Variants in HFE observed in about 807,000 individuals in gnomAD.
HFE encodes hereditary hemochromatosis protein.
Under a neutral mutation model 40.9 loss-of-function variants are expected in HFE, and 36 were observed. The ratio of observed to expected loss-of-function variants is 0.88; its 90% CI spans 0.67 to 1.16. The LOEUF (loss-of-function observed/expected upper bound fraction) is 1.16, where lower values mean the gene tolerates loss of function less well. HFE is among the 50% of genes most tolerant of loss of function. The probability of loss-of-function intolerance (pLI) is 0.00; values close to 1 mark genes in which losing one functional copy is unlikely to be tolerated. For synonymous variants in HFE, 157 were observed against 165.4 expected (o/e 0.95, Z 0.39); for missense variants, 376 against 432.0 (o/e 0.87, Z 1.15).
intron 1 of HFE, 102 bp downstream of exon 1, chr6:26,087,618 T>A (rs1462325310): frequency 3.0e-6 from 3 of 994,796 alleles, no homozygotes; most frequent in Non-Finnish European, 4.6e-6. Context: ...TTGGAGGACC[T>A]GCTCAACCCT....
At chr6:26,093,052 C>A in intron 4 of HFE, 67 bp from the exon 5 acceptor site, 2 of 1,613,848 alleles carry the variant, frequency 1.2e-6, no homozygotes, top group Non-Finnish European at 1.7e-6. Context: ...AGATGAGGAT[C>A]TGCTCTTTGT....
chr6:26,097,576 G>GTA lies in HFE; in HGVS notation c.*3350_*3351insTA, dbSNP rs1763089120. On this transcript the variant is annotated 3_prime_UTR_variant, in exon 6 of 6. Coordinates refer to ENST00000357618, the MANE Select transcript of HFE (RefSeq NM_000410.4). ...AAGAATGGGTGGAGGGGCGTGCACT[G>GTA]GAAATCACTTGTAGAGAAAAGCCCC... is the stretch of plus-strand genomic sequence containing the variant. 2 of 152,106 alleles carry GTA rather than the reference G, an allele frequency of 1.3e-5. No individual in the cohort carries two copies. Among genetic ancestry groups the GTA allele is most frequent in the Non-Finnish European group, 2.9e-5 (2 of 68,034 alleles). 9.4% of individuals were successfully genotyped at this position (152,106 alleles called of 1,614,324 possible). A position where few individuals can be genotyped will look rare whatever the true frequency, so the allele number is the denominator to read the frequency against.
intron 2 of HFE, 27 bp downstream of exon 2, chr6:26,091,131 C>G (rs1194133240): frequency 2.5e-6 from 4 of 1,613,554 alleles, no homozygotes; most frequent in Non-Finnish European, 3.4e-6. Context: ...CCTCACCTTC[C>G]TGAGGTTGTC....
At chr6:26,087,829 G>A (rs1762391870) in intron 1 of HFE, among the ~76,000 whole-genome samples, 1 of 152,216 alleles carries the variant, frequency 6.6e-6, no homozygotes, top group Admixed American at 6.5e-5. Context: ...CCTCACTTGA[G>A]CTGAGCTAAG....
At position 26,097,776 on chromosome 6, in the gene HFE, A is replaced by C. The variant is rs1488569347; in HGVS notation, c.*3550A>C. 6.6e-6 allele frequency: 1 copy of C among 152,214 alleles called. No individual in the cohort carries two copies. The highest frequency in any genetic ancestry group is 2.4e-5 in the African/African-American group (1 of 41,442). The allele number at this position is 152,214 out of a possible 1,614,324, so 9.4% of individuals were successfully genotyped here. On this transcript the variant is annotated 3_prime_UTR_variant, in exon 6 of 6. Transcript: ENST00000357618. Reference sequence around the variant, plus strand: ...GAGGACTGCTGAGAGGTACAGGCCAAAATTCTTATGTTGTATTATAATAAT... The same window carrying C: ...GAGGACTGCTGAGAGGTACAGGCCACAATTCTTATGTTGTATTATAATAAT...
intron 5 of HFE, 83 bp from the exon 6 acceptor site, chr6:26,094,103 A>C: frequency 7.7e-7 from 1 of 1,305,656 alleles, no homozygotes; most frequent in South Asian, 1.2e-5. Flanking sequence ...GAGATGGGTG[A>C]ATGAGGAAAA....
rs1015477413 is a variant in HFE at position 26,097,914 on chromosome 6, A to C, written c.*3688A>C. ...CAAATTTTTCATAAACTCAGTTTTA[A>C]ACTAACTTTTTTTCAAACCACAATC... On this transcript the variant is annotated 3_prime_UTR_variant, in exon 6 of 6. Transcript: ENST00000357618. The C allele has an allele frequency of 3.9e-5, 6 of 152,236 alleles. No homozygotes were observed. Among genetic ancestry groups the C allele is most frequent in the South Asian group, 2.1e-4 (1 of 4,834 alleles). 9.4% of individuals were successfully genotyped at this position (152,236 alleles called of 1,614,324 possible). A position where few individuals can be genotyped will look rare whatever the true frequency, so the allele number is the denominator to read the frequency against.
At position 26,090,900 on chromosome 6, in the gene HFE, T is replaced by C. The variant is rs1205608152; in HGVS notation, c.136T>C (p.Leu46=). The C allele has an allele frequency of 1.2e-6, 2 of 1,614,202 alleles. No homozygotes were observed. Among genetic ancestry groups the C allele is most frequent in the Non-Finnish European group, 8.5e-7 (1 of 1,180,032 alleles). ...GASEQDLGLS[L]FEALGYVDDQ... Reference sequence around the variant, plus strand: ...CTCAGAGCAGGACCTTGGTCTTTCCTTGTTTGAAGCTTTGGGCTACGTGGA... The same window carrying C: ...CTCAGAGCAGGACCTTGGTCTTTCCCTGTTTGAAGCTTTGGGCTACGTGGA... The change falls in exon 2 of 6, where the codon TTG becomes CTG. Residue 46 remains leucine (L), a synonymous_variant. Coordinates refer to ENST00000357618, the MANE Select transcript of HFE (RefSeq NM_000410.4).
chr6:26,089,361 G>A (rs572573899), intron 1 of HFE, among the ~76,000 whole-genome samples: 19 of 152,286 alleles, frequency 1.2e-4, no homozygotes, highest in Admixed American at 2.6e-4. Context: ...CAGAAGAGGA[G>A]CCACAAACAA....
chr6:26,090,771 G>A, intron 1 of HFE, 70 bp from the exon 2 acceptor site: 2 of 1,485,154 alleles, frequency 1.3e-6, no homozygotes, highest in East Asian at 2.3e-5. Context: ...AGTTGATGCA[G>A]GTGTGTGGAG....
rs746577630 is a variant in HFE, at chr6:26,094,255, G to A, written c.*29G>A. ...GCAGCCTGCAGACTCACTGTGGGAA[G>A]GAGACAAAACTAGAGACTCAAAGAG... On this transcript the variant is annotated 3_prime_UTR_variant, in exon 6 of 6. Coordinates refer to ENST00000357618, the MANE Select transcript of HFE (RefSeq NM_000410.4). The A allele has an allele frequency of 1.9e-6, 3 of 1,610,868 alleles. No homozygotes were observed. In the South Asian group the frequency reaches 3.3e-5, roughly 18 times the overall value.
At position 26,097,233 on chromosome 6, in the gene HFE, T is replaced by C. The variant is rs1763075513; in HGVS notation, c.*3007T>C. 6.6e-6 allele frequency: 1 copy of C among 152,370 alleles called. No individual in the cohort carries two copies. Among genetic ancestry groups the C allele is most frequent in the South Asian group, 2.1e-4 (1 of 4,830 alleles). 9.4% of individuals were successfully genotyped at this position (152,370 alleles called of 1,614,324 possible). ...TCAAGAAACACCCCAGTCTTCACAG[T>C]AACACATTTCACTAACACATTTACT... On this transcript the variant is annotated 3_prime_UTR_variant, in exon 6 of 6. Coordinates refer to ENST00000357618, the MANE Select transcript of HFE (RefSeq NM_000410.4).
rs1456866994 is a variant in HFE, at chr6:26,095,029, T to C, written c.*803T>C. On this transcript the variant is annotated 3_prime_UTR_variant, in exon 6 of 6. Coordinates refer to ENST00000357618, the MANE Select transcript of HFE (RefSeq NM_000410.4). ...GACCTGAAGAATCACAATAATTTTC[T>C]ACCTGGTCTCTCCTTGTTCTGATAA... is the stretch of plus-strand genomic sequence containing the variant. 6.4e-6 allele frequency: 1 copy of C among 155,666 alleles called. No individual in the cohort carries two copies. The highest frequency in any genetic ancestry group is 2.4e-5 in the African/African-American group (1 of 41,480). The allele number at this position is 155,666 out of a possible 1,614,324, so 9.6% of individuals were successfully genotyped here.
rs2242956 is a variant in HFE, at chr6:26,090,868, T to C, written c.104T>C (p.Met35Thr). The change falls in exon 2 of 6, where the codon ATG (methionine) becomes ACG (threonine). Residue 35 changes from methionine (M) to threonine (T), a missense_variant. Met to Thr is a moderately conservative substitution (Grantham distance 81). Around this residue, in one of 3 missense-constraint regions of HFE, gnomAD observed 200 missense variants for 228.5 expected, o/e 0.88. Coordinates refer to ENST00000357618, the MANE Select transcript of HFE (RefSeq NM_000410.4). ...LRSHSLHYLF[M>T]GASEQDLGLS... ...TCACACTCTCTGCACTACCTCTTCA[T>C]GGGTGCCTCAGAGCAGGACCTTGGT... The C allele has an allele frequency of 1.9e-6, 3 of 1,614,096 alleles. No homozygotes were observed. Among genetic ancestry groups the C allele is most frequent in the Non-Finnish European group, 2.5e-6 (3 of 1,180,008 alleles).
In HFE at chr6:26,094,254, A is replaced by C; in HGVS notation, c.*28A>C. On this transcript the variant is annotated 3_prime_UTR_variant, in exon 6 of 6. Coordinates refer to ENST00000357618, the MANE Select transcript of HFE (RefSeq NM_000410.4). ...CGCAGCCTGCAGACTCACTGTGGGA[A>C]GGAGACAAAACTAGAGACTCAAAGA... 6.2e-7 allele frequency: 1 copy of C among 1,610,968 alleles called. No homozygotes were observed. The highest frequency in any genetic ancestry group is 1.3e-5 in the African/African-American group (1 of 75,008).
Position 26,092,297 on chromosome 6 carries a change from C to CTTTTATA in HFE, c.617-388_617-387insTTTTATA, listed in dbSNP as rs530318657. The stretch of plus-strand genomic sequence containing the variant: ...AATCCTTTAGGTTAAAAGTTTCTTT[C>CTTTTATA]ATAGAACATAGCAATAATCACTGAA... On this transcript the variant is annotated intron_variant, in intron 3 of 5. Transcript: ENST00000357618. Among the ~76,000 whole-genome samples the CTTTTATA allele has an allele frequency of 1.7e-3, 263 of 151,896 alleles. 1 individual carries two copies. The Middle Eastern group carries it at 0.028, about 16-fold the overall frequency.
At position 26,091,475 on chromosome 6, in the gene HFE, G is replaced by A. The variant is rs146519482; in HGVS notation, c.502G>A (p.Glu168Lys). 3 of 1,614,070 alleles carry A rather than the reference G, an allele frequency of 1.9e-6. No individual in the cohort carries two copies. The highest frequency in any genetic ancestry group is 1.6e-4 in the Middle Eastern group (1 of 6,084). ...ACCCAGGGCCTGGCCCACCAAGCTG[G>A]AGTGGGAAAGGCACAAGATTCGGGC... ...AEPRAWPTKL[E>K]WERHKIRARQ... The change falls in exon 3 of 6, where the codon GAG becomes AAG. Residue 168 changes from glutamate (E) to lysine (K), a missense_variant. Coordinates refer to ENST00000357618, the MANE Select transcript of HFE (RefSeq NM_000410.4).
At position 26,094,229 on chromosome 6, in the gene HFE, C is replaced by A. The variant is rs566032849; in HGVS notation, c.*3C>A. On this transcript the variant is annotated 3_prime_UTR_variant, in exon 6 of 6. Transcript: ENST00000357618. ...ACGTCTTAGCTGAACGTGAGTGACA[C>A]GCAGCCTGCAGACTCACTGTGGGAA... is the stretch of plus-strand genomic sequence containing the variant. 3.1e-6 allele frequency: 5 copies of A among 1,613,856 alleles called. No individual in the cohort carries two copies. Among genetic ancestry groups the A allele is most frequent in the Non-Finnish European group, 4.2e-6 (5 of 1,179,792 alleles).
At position 26,091,430 on chromosome 6, in the gene HFE, C is replaced by T. The variant is rs2113753137; in HGVS notation, c.457C>T (p.Leu153=). 1 of 1,614,174 alleles carries T rather than the reference C, an allele frequency of 6.2e-7. No individual in the cohort carries two copies. The highest frequency in any genetic ancestry group is 2.2e-5 in the East Asian group (1 of 44,876). ...QDHLEFCPDT[L]DWRAAEPRAW... is the part of the protein sequence containing the mutation. ...CCACCTTGAATTCTGCCCTGACACA[C>T]TGGATTGGAGAGCAGCAGAACCCAG... Residue 153 remains leucine, a synonymous_variant, in exon 3 of 6, where the codon CTG becomes TTG. Transcript: ENST00000357618.
Sources: allele counts gnomAD v4.1 joint callset (sites outside exome capture counted in the v4.1 genomes callset), GRCh38; gene constraint gnomAD v4.1.1; regional missense constraint gnomAD v4.1.1; transcripts MANE v1.5; gene names NCBI Gene and HGNC (gene_info 2026-07-23, HGNC 2026-07-21).